Variants in PPARA observed in about 807,000 individuals in gnomAD.
PPARA encodes the protein peroxisome proliferator activated receptor alpha, also known as peroxisome proliferator-activated receptor alpha.
A neutral mutation model predicts 42.2 loss-of-function variants in PPARA; 22 were observed. The observed-to-expected ratio is 0.52, with a 90% CI of 0.37 to 0.74. The LOEUF (loss-of-function observed/expected upper bound fraction) is 0.74. Among genes scored for constraint, PPARA ranks in the 30% least tolerant of loss-of-function variants. PPARA has a pLI of 0.00. For synonymous variants in PPARA, 242 were observed against 239.3 expected, an observed-to-expected ratio of 1.01 and a Z score of -0.10; for missense variants, 465 against 608.2, an observed-to-expected ratio of 0.76 and a Z score of 2.48.
rs112190038 is a variant in PPARA at position 46,215,222 on chromosome 22, C to G, written c.258C>G (p.Val86=). The G allele has an allele frequency of 1.2e-6, 2 of 1,614,104 alleles. No homozygotes were observed. The highest frequency in any genetic ancestry group is 1.7e-6 in the Non-Finnish European group (2 of 1,180,010). Residue 86 remains valine, a synonymous_variant, in exon 5 of 9, where the codon GTC becomes GTG. Transcript: ENST00000407236. ...SSPSSVTYPV[V]PGSVDESPSG... is the part of the protein sequence containing the mutation. ...CCTCCTCGGTGACTTATCCTGTGGT[C>G]CCCGGCAGCGTGGACGAGTCTCCCA...
intron 2 of PPARA, among the ~76,000 whole-genome samples, chr22:46,166,747 A>G (rs1225283404): frequency 6.6e-6 from 1 of 152,198 alleles, no homozygotes; most frequent in Non-Finnish European, 1.5e-5. Context: ...ACCTAAATAA[A>G]TGGCAAGTTA....
At chr22:46,177,080 AG>A (rs1555936800) in intron 3 of PPARA, among the ~76,000 whole-genome samples, 4 of 152,052 alleles carry the variant, frequency 2.6e-5, no homozygotes, top group Non-Finnish European at 5.9e-5. Context: ...GCATGGTGGC[AG>A]GCGCCTGTAG....
intron 2 of PPARA, among the ~76,000 whole-genome samples, chr22:46,176,386 T>C (rs139776425): frequency 8.3e-4 from 126 of 152,060 alleles, no homozygotes; most frequent in African/African-American, 2.9e-3. Flanking sequence ...CTTTGGAGGC[T>C]GAGGCAGGAG....
rs1460636007 is a variant in PPARA at position 46,225,915 on chromosome 22, ACACACACATGCATGCT to A, written c.712-5864_712-5849del. ...CACATGTACCCACACCTGTGTGTAC[ACACACACATGCATGCT>A]CACACACATGCACCCAGGCACACAC... On this transcript the variant is annotated intron_variant, in intron 7 of 8. Transcript: ENST00000407236. This position sits in a 1 kb window ranked among gnomAD's most constrained non-coding sequence, Gnocchi z 4.1. 6.7e-6 allele frequency among the ~76,000 whole-genome samples: 1 copy of A among 149,972 alleles called. No homozygotes were observed. Among genetic ancestry groups the A allele is most frequent in the Non-Finnish European group, 1.5e-5 (1 of 67,424 alleles).
At chr22:46,169,082 A>G (rs926404693) in intron 2 of PPARA, among the ~76,000 whole-genome samples, 1 of 151,858 alleles carries the variant, frequency 6.6e-6, no homozygotes, top group Non-Finnish European at 1.5e-5. Flanking sequence ...GGGCAGTGAA[A>G]CTATTCTGTA....
rs1601602010 is a variant in PPARA, at chr22:46,160,634, C to G, written c.-127+8664C>G. ...TTATTTATTTCTTGACAGGATCTCA[C>G]TCTGTCACCAGGCTGGAGTGCAGTG... On this transcript the variant is annotated intron_variant, in intron 2 of 8. Coordinates refer to ENST00000407236, the MANE Select transcript of PPARA (RefSeq NM_005036.6). The surrounding 1 kb of genome is among the most constrained non-coding windows in gnomAD (Gnocchi z 4.5). 6.6e-6 allele frequency among the ~76,000 whole-genome samples: 1 copy of G among 151,842 alleles called. No individual in the cohort carries two copies. Among genetic ancestry groups the G allele is most frequent in the Non-Finnish European group, 1.5e-5 (1 of 67,988 alleles).
chr22:46,159,550 A>G (rs1305763087), intron 2 of PPARA, among the ~76,000 whole-genome samples: 2 of 152,132 alleles, frequency 1.3e-5, no homozygotes, highest in African/African-American at 4.8e-5. Flanking sequence ...TTAGAACGCG[A>G]TTTTCATTCT....
chr22:46,185,839 G>A (rs1394965511), intron 3 of PPARA, among the ~76,000 whole-genome samples: 4 of 136,818 alleles, frequency 2.9e-5, no homozygotes, highest in African/African-American at 5.5e-5. Context: ...AGGTTGTGGT[G>A]AGCCAAGATC....
rs34052175 is a variant in PPARA, at chr22:46,207,644, T to TTTATTATTA, written c.209-7502_209-7494dup. Among the ~76,000 whole-genome samples, 201 of 91,722 alleles carry TTTATTATTA rather than the reference T, an allele frequency of 2.2e-3. 4 individuals carry two copies. Among genetic ancestry groups the TTTATTATTA allele is most frequent in the Middle Eastern group, 8.8e-3 (1 of 114 alleles). 60.2% of individuals were successfully genotyped at this position (91,722 alleles called of 152,430 possible). A position where few individuals can be genotyped will look rare whatever the true frequency, so the allele number is the denominator to read the frequency against. On this transcript the variant is annotated intron_variant, in intron 4 of 8. Transcript: ENST00000407236. ...TATCTTCTTGTTTTTAATTAATTAA[T>TTTATTATTA]TTATTATTATTATTATTATTATTAT... is the stretch of plus-strand genomic sequence containing the variant.
In PPARA at chr22:46,195,657, A is replaced by G. The variant is rs17661718; in HGVS notation, c.-42-2685A>G. Reference sequence around the variant, plus strand: ...TGTTGTTTACATGAAGCAAACCTCAAATGTGAACATATTTTTACGCAAATG... The same window carrying G: ...TGTTGTTTACATGAAGCAAACCTCAGATGTGAACATATTTTTACGCAAATG... On this transcript the variant is annotated intron_variant, in intron 3 of 8. Transcript: ENST00000407236. This position sits in a 1 kb window ranked among gnomAD's most constrained non-coding sequence, Gnocchi z 4.6. 0.11 allele frequency among the ~76,000 whole-genome samples: 17,143 copies of G among 152,234 alleles called. 983 individuals carry two copies. The highest frequency in any genetic ancestry group is 0.17 in the Middle Eastern group (50 of 294).
At position 46,192,977 on chromosome 22, in the gene PPARA, G is replaced by A. The variant is rs1931759792; in HGVS notation, c.-42-5365G>A. 6.6e-6 allele frequency among the ~76,000 whole-genome samples: 1 copy of A among 152,186 alleles called. No homozygotes were observed. Among genetic ancestry groups the A allele is most frequent in the Non-Finnish European group, 1.5e-5 (1 of 68,034 alleles). On this transcript the variant is annotated intron_variant, in intron 3 of 8. Coordinates refer to ENST00000407236, the MANE Select transcript of PPARA (RefSeq NM_005036.6). The surrounding 1 kb of genome is among the most constrained non-coding windows in gnomAD (Gnocchi z 4.3). ...AAGGATGGTTACCAGAGGCTGGGAA[G>A]GGTGGTGAGGGGTTGGGGGCAGTGA... is the stretch of plus-strand genomic sequence containing the variant.
At position 46,192,730 on chromosome 22, in the gene PPARA, G is replaced by T. The variant is rs1313829630; in HGVS notation, c.-42-5612G>T. 2.0e-5 allele frequency among the ~76,000 whole-genome samples: 3 copies of T among 152,132 alleles called. No individual in the cohort carries two copies. Among genetic ancestry groups the T allele is most frequent in the African/African-American group, 4.8e-5 (2 of 41,448 alleles). ...GCTAAGATTTGGAAGCAACCTAAGT[G>T]TCCATCACCAGACAAATAGATAAAG... On this transcript the variant is annotated intron_variant, in intron 3 of 8. Transcript: ENST00000407236. This position sits in a 1 kb window ranked among gnomAD's most constrained non-coding sequence, Gnocchi z 4.3.
chr22:46,204,753 A>G lies in PPARA; in HGVS notation c.208+6162A>G, dbSNP rs1933059501. On this transcript the variant is annotated intron_variant, in intron 4 of 8. Coordinates refer to ENST00000407236, the MANE Select transcript of PPARA (RefSeq NM_005036.6). The surrounding 1 kb of genome is among the most constrained non-coding windows in gnomAD (Gnocchi z 5.2). ...TGAACACTATTTATATATTTTGAAT[A>G]CAAATACTTTATCAGACATGTGATC... is the stretch of plus-strand genomic sequence containing the variant. Among the ~76,000 whole-genome samples the G allele has an allele frequency of 6.6e-6, 1 of 152,312 alleles. No homozygotes were observed. Among genetic ancestry groups the G allele is most frequent in the Non-Finnish European group, 1.5e-5 (1 of 68,034 alleles).
rs550004626 is a variant in PPARA at position 46,183,014 on chromosome 22, G to C, written c.-43+6178G>C. On this transcript the variant is annotated intron_variant, in intron 3 of 8. Coordinates refer to ENST00000407236, the MANE Select transcript of PPARA (RefSeq NM_005036.6). The surrounding 1 kb of genome is among the most constrained non-coding windows in gnomAD (Gnocchi z 5.5). ...CCCACCTCGGCCTCCCAAAGTGTTG[G>C]GATTATAGGCATGAGCCACAGCACC... Among the ~76,000 whole-genome samples the C allele has an allele frequency of 2.0e-5, 3 of 152,124 alleles. No individual in the cohort carries two copies. Among genetic ancestry groups the C allele is most frequent in the Non-Finnish European group, 4.4e-5 (3 of 68,020 alleles).
chr22:46,209,136 T>C (rs1054206474), intron 4 of PPARA, among the ~76,000 whole-genome samples: 1 of 152,230 alleles, frequency 6.6e-6, no homozygotes, highest in African/African-American at 2.4e-5. Flanking sequence ...GGAACCTCCA[T>C]ACTTATTTTG....
In PPARA at chr22:46,161,964, G is replaced by A. The variant is rs1020361474; in HGVS notation, c.-127+9994G>A. On this transcript the variant is annotated intron_variant, in intron 2 of 8. Coordinates refer to ENST00000407236, the MANE Select transcript of PPARA (RefSeq NM_005036.6). This position sits in a 1 kb window ranked among gnomAD's most constrained non-coding sequence, Gnocchi z 4.8. ...CACCTGGGCCCTCCCGGAGGCCCTC[G>A]CCCTCAGTGTGTCTGATTCTGAGCT... Among the ~76,000 whole-genome samples the A allele has an allele frequency of 1.3e-5, 2 of 152,004 alleles. No individual in the cohort carries two copies. The highest frequency in any genetic ancestry group is 2.9e-5 in the Non-Finnish European group (2 of 68,012).
At chr22:46,166,304 C>T (rs1457941972) in intron 2 of PPARA, among the ~76,000 whole-genome samples, 1 of 152,064 alleles carries the variant, frequency 6.6e-6, no homozygotes, top group Non-Finnish European at 1.5e-5. Flanking sequence ...AGTGATAAAC[C>T]CACATGGCAT....
rs188987641 is a variant in PPARA, at chr22:46,243,179, C to G, written c.*7799C>G. On this transcript the variant is annotated 3_prime_UTR_variant, in exon 9 of 9. Transcript: ENST00000407236. The surrounding 1 kb of genome is among the most constrained non-coding windows in gnomAD (Gnocchi z 5.0). ...AAAACTTCTTGGTGCATATTGGTTA[C>G]ACCCTCTGGGATTCATAATGCCATT... The G allele has an allele frequency of 6.6e-6, 1 of 152,398 alleles. No individual in the cohort carries two copies. Among genetic ancestry groups the G allele is most frequent in the Admixed American group, 6.5e-5 (1 of 15,294 alleles). The allele number at this position is 152,398 out of a possible 1,614,324, so 9.4% of individuals were successfully genotyped here.
At chr22:46,217,030 G>A (rs970717294) in intron 5 of PPARA, among the ~76,000 whole-genome samples, 1 of 152,196 alleles carries the variant, frequency 6.6e-6, no homozygotes, top group Non-Finnish European at 1.5e-5. Context: ...CCAGCATTCT[G>A]CCCTGAGCCA....
Sources: gnomAD v4.1 joint callset for allele counts (sites outside exome capture counted in the v4.1 genomes callset) on GRCh38, gnomAD v4.1.1 for gene constraint, Gnocchi (gnomAD v3.1) non-coding constraint, MANE v1.5 for transcripts, NCBI Gene and HGNC (gene_info 2026-07-23, HGNC 2026-07-21) for gene names.